TRPM3: variants seen among roughly 807,000 people sequenced by gnomAD.
The protein encoded by TRPM3 is long transient receptor potential channel 3.
TRPM3 carries 77 observed loss-of-function variants against 181.2 expected under a neutral mutation model. The ratio of observed to expected loss-of-function variants is 0.42; its 90% CI spans 0.35 to 0.51. TRPM3 has a LOEUF of 0.51. Ranked by LOEUF, TRPM3 falls within the 20% of genes least tolerant of loss-of-function variation. The pLI, the probability that TRPM3 is intolerant of heterozygous loss-of-function variation, is 0.01. For missense variants in TRPM3, 1,759 were observed against 2,196.7 expected, an observed-to-expected ratio of 0.80 and a Z score of 3.98; for synonymous variants, 745 against 796.4, an observed-to-expected ratio of 0.94 and a Z score of 1.09.
intron 1 of TRPM3, among the ~76,000 whole-genome samples, chr9:70,937,559 T>A (rs2096840595): frequency 1.3e-5 from 2 of 152,280 alleles, no homozygotes; most frequent in Non-Finnish European, 2.9e-5. Flanking sequence ...TTTTAAAAAA[T>A]TACATTTTTA....
chr9:70,751,200 G>C (rs896360522), intron 8 of TRPM3, among the ~76,000 whole-genome samples: 3 of 151,998 alleles, frequency 2.0e-5, no homozygotes, highest in Admixed American at 2.0e-4. Flanking sequence ...ATAGGGTGCA[G>C]AAAAGCTGAA....
At chr9:70,614,869 C>A (rs553524122) in intron 18 of TRPM3, among the ~76,000 whole-genome samples, 2 of 152,284 alleles carry the variant, frequency 1.3e-5, no homozygotes, top group Non-Finnish European at 2.9e-5. Flanking sequence ...ATTCAGAGGA[C>A]AAAACTATGG....
chr9:71,379,649 C>T (rs1338459335), intron 1 of TRPM3, among the ~76,000 whole-genome samples: 1 of 151,968 alleles, frequency 6.6e-6, no homozygotes, highest in Non-Finnish European at 1.5e-5. Flanking sequence ...CTCAAACACT[C>T]ACAGCTGGGA....
At position 71,121,566 on chromosome 9, in the gene TRPM3, G is replaced by C; in HGVS notation, c.-212C>G. The C allele has an allele frequency of 7.3e-7, 1 of 1,368,456 alleles. No individual in the cohort carries two copies. The highest frequency in any genetic ancestry group is 9.4e-7 in the Non-Finnish European group (1 of 1,063,244). The allele number at this position is 1,368,456 out of a possible 1,614,324, so 84.8% of individuals were successfully genotyped here. ...AGGGGATGCACGATTTTGAAGAAGA[G>C]GGACAGCCTGCACAAAACAGCCTGT... is the stretch of plus-strand genomic sequence containing the variant. On this transcript the variant is annotated 5_prime_UTR_variant, in exon 1 of 26. Transcript: ENST00000677713.
At chr9:71,159,120 A>C (rs1026513102) in intron 1 of TRPM3, among the ~76,000 whole-genome samples, 2 of 151,398 alleles carry the variant, frequency 1.3e-5, no homozygotes, top group African/African-American at 4.9e-5. Context: ...AGAGAGAGAG[A>C]GAGAGAGAGA....
intron 1 of TRPM3, among the ~76,000 whole-genome samples, chr9:71,203,325 T>C (rs1174126809): frequency 1.3e-5 from 2 of 152,220 alleles, no homozygotes; most frequent in Non-Finnish European, 2.9e-5. Flanking sequence ...CCATTGTGCC[T>C]GGCTCACAAT....
At chr9:71,310,337 A>C (rs754378249) in intron 1 of TRPM3, among the ~76,000 whole-genome samples, 4 of 152,096 alleles carry the variant, frequency 2.6e-5, no homozygotes, top group Non-Finnish European at 5.9e-5. Flanking sequence ...AACCGAAACC[A>C]ACATTTCATG....
intron 1 of TRPM3, among the ~76,000 whole-genome samples, chr9:71,113,478 G>A (rs2071601371): frequency 6.6e-6 from 1 of 152,074 alleles, no homozygotes; most frequent in Non-Finnish European, 1.5e-5. Flanking sequence ...TAGGGCAGCA[G>A]TTAGACTTAA....
intron 7 of TRPM3, among the ~76,000 whole-genome samples, chr9:70,771,135 C>T (rs1041947106): frequency 2.6e-5 from 4 of 152,098 alleles, no homozygotes; most frequent in African/African-American, 7.2e-5. Flanking sequence ...TGAACTCAAA[C>T]GGGTGTTAGG....
chr9:71,071,321 T>C (rs546758579), intron 1 of TRPM3, among the ~76,000 whole-genome samples: 1 of 152,290 alleles, frequency 6.6e-6, no homozygotes, highest in Admixed American at 6.5e-5. Flanking sequence ...ATTCTTTTAT[T>C]TGAGGCACTG....
chr9:71,375,118 GAGCCCAAAT>G (rs765463668), intron 1 of TRPM3, among the ~76,000 whole-genome samples: 48 of 152,038 alleles, frequency 3.2e-4, no homozygotes, highest in African/African-American at 5.8e-4. Flanking sequence ...AACCAAAAAA[GAGCCCAAAT>G]AGCCCAAATA....
intron 1 of TRPM3, among the ~76,000 whole-genome samples, chr9:70,906,316 T>G (rs1370993132): frequency 6.6e-6 from 1 of 152,100 alleles, no homozygotes; most frequent in Non-Finnish European, 1.5e-5. Flanking sequence ...AATCTCGAAA[T>G]GGAAATGACA....
At chr9:70,847,304 T>A (rs1251090534) in intron 3 of TRPM3, among the ~76,000 whole-genome samples, 1 of 152,198 alleles carries the variant, frequency 6.6e-6, no homozygotes, top group African/African-American at 2.4e-5. Flanking sequence ...ACCATATATA[T>A]AGATACTCAT....
At chr9:71,113,188 G>A (rs1163821904) in intron 1 of TRPM3, among the ~76,000 whole-genome samples, 1 of 152,158 alleles carries the variant, frequency 6.6e-6, no homozygotes, top group African/African-American at 2.4e-5. Flanking sequence ...AGACAACACT[G>A]GAGGCAGCTG....
At chr9:71,409,930 A>C (rs2131442810) in intron 1 of TRPM3, among the ~76,000 whole-genome samples, 1 of 152,326 alleles carries the variant, frequency 6.6e-6, no homozygotes, top group African/African-American at 2.4e-5. Context: ...AGTGCAATCA[A>C]ATTGGAACTC....
At chr9:70,780,726 C>T (rs1019833045) in intron 7 of TRPM3, among the ~76,000 whole-genome samples, 2 of 152,080 alleles carry the variant, frequency 1.3e-5, no homozygotes, top group African/African-American at 4.8e-5. Context: ...TTTATAATTG[C>T]TTTCCTGGAG....
chr9:71,261,751 A>G (rs868689507), intron 1 of TRPM3, among the ~76,000 whole-genome samples: 46 of 152,316 alleles, frequency 3.0e-4, no homozygotes, highest in African/African-American at 1.0e-3. Flanking sequence ...CCTTCTAACA[A>G]TCAGGCCCCT....
chr9:71,207,978 C>G (rs1176836219), intron 1 of TRPM3, among the ~76,000 whole-genome samples: 1 of 152,030 alleles, frequency 6.6e-6, no homozygotes, highest in Non-Finnish European at 1.5e-5. Flanking sequence ...TACAGTTAAC[C>G]CCTAGAGTGA....
At chr9:70,649,313 C>G (rs964089432) in intron 9 of TRPM3, among the ~76,000 whole-genome samples, 2 of 151,860 alleles carry the variant, frequency 1.3e-5, no homozygotes, top group African/African-American at 4.8e-5. Flanking sequence ...CTCAGCCTCC[C>G]GAGTAGCTGG....
Sources: allele counts gnomAD v4.1 joint callset (sites outside exome capture counted in the v4.1 genomes callset), GRCh38; gene constraint gnomAD v4.1.1; transcripts MANE v1.5; gene names NCBI Gene and HGNC (gene_info 2026-07-23, HGNC 2026-07-21).